GLCCI1: variants seen among roughly 807,000 people sequenced by gnomAD.
The protein encoded by GLCCI1 is glucocorticoid-induced transcript 1 protein.
In GLCCI1, 24 loss-of-function variants were observed where a neutral mutation model predicts 52.2. The ratio of observed to expected loss-of-function variants is 0.46; its 90% CI spans 0.33 to 0.65. The LOEUF is 0.65. Ranked by LOEUF, GLCCI1 falls within the 30% of genes least tolerant of loss-of-function variation. The pLI is 0.02. For synonymous variants in GLCCI1, 310 were observed against 276.5 expected (o/e 1.12, Z -1.20); for missense variants, 704 against 701.5 (o/e 1.00, Z -0.04).
At chr7:7,997,566 A>G (rs557074800) in intron 1 of GLCCI1, among the ~76,000 whole-genome samples, 1 of 152,326 alleles carries the variant, frequency 6.6e-6, no homozygotes, top group South Asian at 2.1e-4. Context: ...GATTGAATTA[A>G]TATGAATAAG....
intron 2 of GLCCI1, among the ~76,000 whole-genome samples, chr7:8,008,014 GACAC>G (rs953639775): frequency 3.3e-5 from 5 of 152,144 alleles, no homozygotes; most frequent in African/African-American, 1.2e-4. Context: ...CAGCATGGTA[GACAC>G]ACACACATTT....
At chr7:8,020,696 A>C (rs1273636997) in intron 2 of GLCCI1, among the ~76,000 whole-genome samples, 1 of 152,142 alleles carries the variant, frequency 6.6e-6, no homozygotes, top group Non-Finnish European at 1.5e-5. Flanking sequence ...TAAAAATTTG[A>C]CTCATTTTCT....
chr7:8,031,704 T>C (rs1781753637), intron 3 of GLCCI1, among the ~76,000 whole-genome samples: 1 of 151,542 alleles, frequency 6.6e-6, no homozygotes, highest in Non-Finnish European at 1.5e-5. Flanking sequence ...TTAAAAAATT[T>C]TTTTAAATAA....
chr7:8,085,069 T>C (rs767394142), intron 7 of GLCCI1, 52 bp downstream of exon 7: 1 of 1,602,128 alleles, frequency 6.2e-7, no homozygotes, highest in Non-Finnish European at 8.5e-7. Context: ...TAAAGCTTTT[T>C]ACTGAGACCA....
intron 7 of GLCCI1, 63 bp downstream of exon 7, chr7:8,085,080 G>T (rs1783074916): frequency 2.0e-5 from 31 of 1,581,490 alleles, no homozygotes; most frequent in Non-Finnish European, 2.5e-5. Flanking sequence ...ACTGAGACCA[G>T]TTGATTACAT....
At chr7:8,060,386 G>C (rs1280022871) in intron 5 of GLCCI1, 138 bp downstream of exon 5, 1 of 633,186 alleles carries the variant, frequency 1.6e-6, no homozygotes, top group Admixed American at 3.3e-5. Flanking sequence ...CAATTCAGTG[G>C]TTTTTAACAG....
At position 8,088,219 on chromosome 7, in the gene GLCCI1, A is replaced by ATGAT. The variant is rs1344419575; in HGVS notation, c.*1682_*1685dup. ...CACCATTGATTTTTTTTTTTAAGAA[A>ATGAT]TGATATATATATGTATATGTTTGTG... On this transcript the variant is annotated 3_prime_UTR_variant, in exon 8 of 8. Transcript: ENST00000223145. 2.1e-5 allele frequency: 3 copies of ATGAT among 139,786 alleles called. No homozygotes were observed. The highest frequency in any genetic ancestry group is 7.5e-5 in the Admixed American group (1 of 13,394). The allele number at this position is 139,786 out of a possible 1,614,324, so 8.7% of individuals were successfully genotyped here.
intron 1 of GLCCI1, among the ~76,000 whole-genome samples, chr7:7,974,175 C>A (rs1466990761): frequency 6.6e-6 from 1 of 152,078 alleles, no homozygotes; most frequent in Non-Finnish European, 1.5e-5. Flanking sequence ...ATTTACAGAA[C>A]TATTTTTTTC....
intron 3 of GLCCI1, among the ~76,000 whole-genome samples, chr7:8,033,745 A>G (rs1336582010): frequency 1.3e-5 from 2 of 152,178 alleles, no homozygotes; most frequent in African/African-American, 4.8e-5. Context: ...GATTTAAATA[A>G]TGGAAATTAA....
chr7:8,037,482 A>G (rs1417573310), intron 3 of GLCCI1, among the ~76,000 whole-genome samples: 1 of 152,186 alleles, frequency 6.6e-6, no homozygotes, highest in Non-Finnish European at 1.5e-5. Flanking sequence ...AAACAGTTCC[A>G]CAACTGAGAC....
chr7:8,081,737 A>C lies in GLCCI1; in HGVS notation c.1178-3160A>C, dbSNP rs557224424. ...ACTCTAATTTATTATCATATGTTTA[A>C]AAGTATTTCAGAAGCTACTCGTATT... On this transcript the variant is annotated intron_variant, in intron 6 of 7. Transcript: ENST00000223145. 1.2e-4 allele frequency among the ~76,000 whole-genome samples: 18 copies of C among 152,314 alleles called. No homozygotes were observed. The South Asian group carries it at 3.7e-3, about 32-fold the overall frequency.
chr7:7,984,084 CAG>C (rs1333997649), intron 1 of GLCCI1, among the ~76,000 whole-genome samples: 1 of 152,096 alleles, frequency 6.6e-6, no homozygotes, highest in Non-Finnish European at 1.5e-5. Context: ...TTTTTTGAGA[CAG>C]GGTCTCACTC....
intron 1 of GLCCI1, among the ~76,000 whole-genome samples, chr7:8,001,408 C>G (rs1230512989): frequency 1.3e-5 from 2 of 152,166 alleles, no homozygotes; most frequent in African/African-American, 4.8e-5. Context: ...CAATGAGATA[C>G]TATCTCACAC....
At chr7:7,980,903 C>G in intron 1 of GLCCI1, 1 of 621,558 alleles carries the variant, frequency 1.6e-6, no homozygotes, top group Non-Finnish European at 3.0e-6. Context: ...GATGACATTC[C>G]TGATTTATTA....
intron 1 of GLCCI1, among the ~76,000 whole-genome samples, chr7:8,001,267 G>T (rs1781044728): frequency 6.6e-6 from 1 of 152,126 alleles, no homozygotes; most frequent in South Asian, 2.1e-4. Context: ...TTGCTTATCT[G>T]TAAAGAATTT....
chr7:8,045,926 T>A lies in GLCCI1; in HGVS notation c.697-9507T>A, dbSNP rs1782113688. ...ATATCGGACATATTAAGTAGCCTCATTTACATCTGAGGAAATGAGAGTAAG... is the reference window on the plus strand; with the variant it reads ...ATATCGGACATATTAAGTAGCCTCAATTACATCTGAGGAAATGAGAGTAAG... On this transcript the variant is annotated intron_variant, in intron 3 of 7. Coordinates refer to ENST00000223145, the MANE Select transcript of GLCCI1 (RefSeq NM_138426.4). Among the ~76,000 whole-genome samples the A allele has an allele frequency of 1.3e-5, 2 of 151,384 alleles. 1 individual carries two copies. The highest frequency in any genetic ancestry group is 1.3e-4 in the Admixed American group (2 of 15,194).
rs75017816 is a variant in GLCCI1 at position 8,057,308 on chromosome 7, G to A, written c.813+1759G>A. On this transcript the variant is annotated intron_variant, in intron 4 of 7. Coordinates refer to ENST00000223145, the MANE Select transcript of GLCCI1 (RefSeq NM_138426.4). ...AAAAAAAGGAAATAGACAAACATCC[G>A]TCAAGTTGTGAGTGGATAAACACTT... Among the ~76,000 whole-genome samples the A allele has an allele frequency of 5.1e-3, 780 of 151,912 alleles. 15 individuals are homozygous for A. In the East Asian group the frequency reaches 0.075, roughly 15 times the overall value.
At position 7,969,123 on chromosome 7, in the gene GLCCI1, T is replaced by G; in HGVS notation, c.-228T>G. On this transcript the variant is annotated 5_prime_UTR_variant, in exon 1 of 8. Transcript: ENST00000223145. The surrounding 1 kb of genome is among the most constrained non-coding windows in gnomAD (Gnocchi z 4.9). ...CGCCACACCGAGCCCAGCCGGGCGG[T>G]TGCGGCCGTTGGACGTTTGTTTTCG... 4 of 255,488 alleles carry G rather than the reference T, an allele frequency of 1.6e-5. No homozygotes were observed. The highest frequency in any genetic ancestry group is 1.0e-4 in the East Asian group (1 of 9,722). The allele number at this position is 255,488 out of a possible 1,614,324, so 15.8% of individuals were successfully genotyped here. A position where few individuals can be genotyped will look rare whatever the true frequency, so the allele number is the denominator to read the frequency against.
chr7:8,009,294 C>T (rs753138288), intron 2 of GLCCI1, among the ~76,000 whole-genome samples: 5 of 152,170 alleles, frequency 3.3e-5, no homozygotes, highest in Non-Finnish European at 5.9e-5. Context: ...AATGTTTCCT[C>T]AGTCTTCACC....
Sources: gnomAD v4.1 joint callset for allele counts (sites outside exome capture counted in the v4.1 genomes callset) on GRCh38, gnomAD v4.1.1 for gene constraint, Gnocchi (gnomAD v3.1) non-coding constraint, MANE v1.5 for transcripts, NCBI Gene and HGNC (gene_info 2026-07-23, HGNC 2026-07-21) for gene names.